The following MUC4 variants were observed in gnomAD, a reference collection of about 807,000 sequenced individuals.
MUC4 encodes the protein mucin 4, cell surface associated, also known as mucin-4.
MUC4 carries 202 observed loss-of-function variants against 257.9 expected under a neutral mutation model. The observed-to-expected ratio is 0.78, with a 90% confidence interval of 0.70 to 0.88. The LOEUF (loss-of-function observed/expected upper bound fraction) is 0.88. Among genes scored for constraint, MUC4 ranks in the 40% least tolerant of loss-of-function variants. The pLI is 0.00. For missense variants in MUC4, 5,976 were observed against 6,513.7 expected (o/e 0.92, Z 2.84); for synonymous variants, 2,351 against 2,757.1 (o/e 0.85, Z 4.62).
At chr3:195,769,335 C>T (rs937459545) in intron 6 of MUC4, 183 bp from the exon 7 acceptor site, 55 of 813,084 alleles carry the variant, frequency 6.8e-5, no homozygotes, top group Non-Finnish European at 9.7e-5. Context: ...GCAGCTTTCA[C>T]CCTGGGTGCG....
At chr3:195,811,267 A>G (rs1322876042) in intron 1 of MUC4, among the ~76,000 whole-genome samples, 1 of 151,446 alleles carries the variant, frequency 6.6e-6, no homozygotes, top group Admixed American at 6.6e-5. Context: ...TCCACCTCCC[A>G]GGTTCAAGTG....
At chr3:195,769,746 T>C (rs1722386872) in intron 6 of MUC4, 2 of 162,530 alleles carry the variant, frequency 1.2e-5, no homozygotes, top group Non-Finnish European at 2.6e-5. Context: ...CCTGTGCCCG[T>C]TGGATGAGCC....
chr3:195,804,471 A>C (rs1167762937), intron 1 of MUC4, among the ~76,000 whole-genome samples: 2 of 152,340 alleles, frequency 1.3e-5, no homozygotes, highest in East Asian at 3.9e-4. Flanking sequence ...CCACTCCCTG[A>C]AGACACACAA....
intron 13 of MUC4, 85 bp from the exon 14 acceptor site, chr3:195,762,339 C>G: frequency 1.5e-6 from 2 of 1,378,490 alleles, no homozygotes; most frequent in Non-Finnish European, 2.0e-6. Flanking sequence ...CCCGCACCAC[C>G]CCCACCCCGC....
chr3:195,795,758 T>C (rs1431617785), intron 1 of MUC4, among the ~76,000 whole-genome samples: 3 of 144,904 alleles, frequency 2.1e-5, no homozygotes, highest in Non-Finnish European at 4.5e-5. Flanking sequence ...GAACTCACTA[T>C]AGAAACAATT....
rs772813110 is a variant in MUC4, at chr3:195,759,123, C to T, written c.14986+1G>A. ...CTCCCCAGCCAGCCAAATAGTCCTA[C>T]CAAAGAGCTCCAAGTCGGTGCAGCT... is the stretch of plus-strand genomic sequence containing the variant. On this transcript the variant is annotated splice_donor_variant, in intron 17 of 24. Coordinates refer to ENST00000463781, the MANE Select transcript of MUC4 (RefSeq NM_018406.7). LOFTEE classifies it high-confidence loss of function. 6.2e-6 allele frequency: 10 copies of T among 1,613,110 alleles called. No homozygotes were observed. In the South Asian group the frequency reaches 6.6e-5, roughly 11 times the overall value.
At position 195,791,119 on chromosome 3, in the gene MUC4, G is replaced by A. The variant is rs762280752; in HGVS notation, c.461C>T (p.Thr154Ile). ...TDSTLGNTEE[T>I]STAGTESSTP... ...AGAACTTTCAGTTCCTGCTGTTGAT[G>A]TCTCTTCTGTGTTTCCAAGAGTGGA... Residue 154 changes from threonine to isoleucine, a missense_variant, in exon 2 of 25, where the codon ACA (threonine) becomes ATA (isoleucine). This residue lies in a region of MUC4 where 1,583 missense variants were observed against 1,257.4 expected (regional missense o/e 1.26). Transcript: ENST00000463781. The A allele has an allele frequency of 3.1e-6, 5 of 1,613,700 alleles. No individual in the cohort carries two copies. In the African/African-American group the frequency reaches 6.7e-5, roughly 22 times the overall value.
In MUC4 at chr3:195,784,154, C is replaced by G. The variant is rs772893736; in HGVS notation, c.7426G>C (p.Gly2476Arg). The G allele has an allele frequency of 6.6e-7, 1 of 1,518,480 alleles. No individual in the cohort carries two copies. Among genetic ancestry groups the G allele is most frequent in the Non-Finnish European group, 8.8e-7 (1 of 1,131,148 alleles). 94.1% of individuals were successfully genotyped at this position (1,518,480 alleles called of 1,614,324 possible). Residue 2476 changes from glycine to arginine, a missense_variant, in exon 2 of 25, where the codon GGT (glycine) becomes CGT (arginine). Transcript: ENST00000463781. ...GTGACAAGAAGAGGGGTGGTGTGAC[C>G]TGTGGATACTGAGGAAGTGTCGGTG... ...PGTDTSSVST[G>R]HTTPLLVTDA...
At chr3:195,801,779 T>C (rs1735349558) in intron 1 of MUC4, among the ~76,000 whole-genome samples, 1 of 152,152 alleles carries the variant, frequency 6.6e-6, no homozygotes, top group Non-Finnish European at 1.5e-5. Flanking sequence ...CATCCATTCA[T>C]TCATTCATGA....
intron 1 of MUC4, among the ~76,000 whole-genome samples, chr3:195,792,696 G>A (rs1734022739): frequency 6.6e-6 from 1 of 152,204 alleles, no homozygotes; most frequent in African/African-American, 2.4e-5. Flanking sequence ...GTTTACTGCA[G>A]CACTATTTAC....
rs1560239077 is a variant in MUC4 at position 195,760,544 on chromosome 3, GGGTC to G, written c.14848+336_14848+339del. Reference sequence around the variant, plus strand: ...AGGATGGATGGAGGGGGCTGGGAAGGGGTCCAGCGCTAGGATGGAGTGGAGGGGG... The same window carrying G: ...AGGATGGATGGAGGGGGCTGGGAAGGCAGCGCTAGGATGGAGTGGAGGGGG... On this transcript the variant is annotated intron_variant, in intron 16 of 24. Transcript: ENST00000463781. Among the ~76,000 whole-genome samples the G allele has an allele frequency of 2.2e-4, 25 of 112,724 alleles. 1 individual carries two copies. Among genetic ancestry groups the G allele is most frequent in the African/African-American group, 7.2e-4 (25 of 34,700 alleles). The allele number at this position is 112,724 out of a possible 152,430, so 74.0% of individuals were successfully genotyped here.
chr3:195,811,658 G>A (rs62282514), intron 1 of MUC4, 78 bp downstream of exon 1: 206,678 of 1,275,156 alleles, frequency 0.16, 18,029 homozygotes, highest in Middle Eastern at 0.2. Context: ...CTGTCTCCCC[G>A]GACCTCTTTC....
At chr3:195,792,684 A>G (rs1419278289) in intron 1 of MUC4, among the ~76,000 whole-genome samples, 1 of 152,254 alleles carries the variant, frequency 6.6e-6, no homozygotes, top group Non-Finnish European at 1.5e-5. Context: ...ATGCACACGT[A>G]TGTTTACTGC....
At chr3:195,778,750 GC>G in intron 2 of MUC4, 39 bp downstream of exon 2, 2 of 1,559,984 alleles carry the variant, frequency 1.3e-6, no homozygotes, top group East Asian at 4.6e-5. Context: ...CCGCCAAGGG[GC>G]CCACTGGGAG....
In MUC4 at chr3:195,810,882, C is replaced by T. The variant is rs898463032; in HGVS notation, c.82+854G>A. 6.6e-6 allele frequency among the ~76,000 whole-genome samples: 1 copy of T among 152,250 alleles called. No individual in the cohort carries two copies. Among genetic ancestry groups the T allele is most frequent in the East Asian group, 1.9e-4 (1 of 5,168 alleles). On this transcript the variant is annotated intron_variant, in intron 1 of 24. Transcript: ENST00000463781. This position sits in a 1 kb window ranked among gnomAD's most constrained non-coding sequence, Gnocchi z 4.2. ...TTCCTGGCATCCCCTCTACCCCCAG[C>T]TCTGTACACAAGGGTGTACATCTTT...
At chr3:195,767,787 TCATTGC>T (rs1241796570) in intron 7 of MUC4, among the ~76,000 whole-genome samples, 4 of 40,322 alleles carry the variant, frequency 9.9e-5, no homozygotes, top group Non-Finnish European at 1.5e-4. Flanking sequence ...ATCACCACCA[TCATTGC>T]CACCACCATC....
Position 195,776,024 on chromosome 3 carries a change from T to C in MUC4, c.12944-1719A>G, listed in dbSNP as rs201158928. Among the ~76,000 whole-genome samples the C allele has an allele frequency of 6.9e-3, 91 of 13,238 alleles. 6 individuals are homozygous for C. Among genetic ancestry groups the C allele is most frequent in the African/African-American group, 0.018 (34 of 1,896 alleles). The allele number at this position is 13,238 out of a possible 152,430, so 8.7% of individuals were successfully genotyped here. Reference sequence around the variant, plus strand: ...ACCTTCCACACCCATACCTTCCACATCCATACCTTCCACGGCCATAACTTC... The same window carrying C: ...ACCTTCCACACCCATACCTTCCACACCCATACCTTCCACGGCCATAACTTC... On this transcript the variant is annotated intron_variant, in intron 3 of 24. Coordinates refer to ENST00000463781, the MANE Select transcript of MUC4 (RefSeq NM_018406.7).
In MUC4 at chr3:195,757,084, C is replaced by A; in HGVS notation, c.15168+63G>T. ...CCAGGACAGGCAGAATCACAGCATCCATTCCACTCCCATTTCCTCTCCCCT... is the reference window on the plus strand; with the variant it reads ...CCAGGACAGGCAGAATCACAGCATCAATTCCACTCCCATTTCCTCTCCCCT... On this transcript the variant is annotated intron_variant, in intron 18 of 24. Coordinates refer to ENST00000463781, the MANE Select transcript of MUC4 (RefSeq NM_018406.7). This position sits in a 1 kb window ranked among gnomAD's most constrained non-coding sequence, Gnocchi z 4.8. 1 of 1,505,236 alleles carries A rather than the reference C, an allele frequency of 6.6e-7. No homozygotes were observed. Among genetic ancestry groups the A allele is most frequent in the Non-Finnish European group, 9.1e-7 (1 of 1,100,766 alleles). The allele number at this position is 1,505,236 out of a possible 1,614,324, so 93.2% of individuals were successfully genotyped here.
At position 195,757,110 on chromosome 3, in the gene MUC4, C is replaced by T. The variant is rs778026546; in HGVS notation, c.15168+37G>A. On this transcript the variant is annotated intron_variant, in intron 18 of 24. Transcript: ENST00000463781. The surrounding 1 kb of genome is among the most constrained non-coding windows in gnomAD (Gnocchi z 4.8). ...ATTCCACTCCCATTTCCTCTCCCCTCGGCACAGAAACTCCTCCCCCACCTC... is the reference window on the plus strand; with the variant it reads ...ATTCCACTCCCATTTCCTCTCCCCTTGGCACAGAAACTCCTCCCCCACCTC... The T allele has an allele frequency of 4.7e-5, 74 of 1,566,972 alleles. 1 individual carries two copies. Among genetic ancestry groups the T allele is most frequent in the South Asian group, 3.2e-4 (28 of 86,924 alleles).
Sources: allele counts gnomAD v4.1 joint callset (sites outside exome capture counted in the v4.1 genomes callset), GRCh38; gene constraint gnomAD v4.1.1; regional missense constraint gnomAD v4.1.1; non-coding constraint Gnocchi (gnomAD v3.1); transcripts MANE v1.5; gene names NCBI Gene and HGNC (gene_info 2026-07-23, HGNC 2026-07-21).